Variants in COL24A1 observed in about 807,000 individuals in gnomAD.
The protein encoded by COL24A1 is collagen type XXIV alpha 1 chain.
Under a neutral mutation model 253.9 loss-of-function variants are expected in COL24A1, and 224 were observed. The ratio of observed to expected loss-of-function variants is 0.88; its 90% CI spans 0.79 to 0.99. COL24A1 has a LOEUF of 0.99. Ranked by LOEUF, COL24A1 falls within the 50% of genes least tolerant of loss-of-function variation. The pLI is 0.00. For synonymous variants in COL24A1, 685 were observed against 673.7 expected, an observed-to-expected ratio of 1.02 and a Z score of -0.26; for missense variants, 2,131 against 2,068.5, an observed-to-expected ratio of 1.03 and a Z score of -0.59.
chr1:86,035,235 CATTTT>C (rs1335086304), intron 12 of COL24A1, among the ~76,000 whole-genome samples: 1 of 152,144 alleles, frequency 6.6e-6, no homozygotes, highest in Non-Finnish European at 1.5e-5. Context: ...GAAGCTCAAG[CATTTT>C]ACTTTCGTTG....
chr1:86,049,645 G>A (rs1700158887), intron 11 of COL24A1, among the ~76,000 whole-genome samples: 1 of 152,026 alleles, frequency 6.6e-6, no homozygotes, highest in South Asian at 2.1e-4. Flanking sequence ...AATCTTTTTA[G>A]TATAACAAAC....
rs183838142 is a variant in COL24A1 at position 85,816,918 on chromosome 1, G to A, written c.3844-23C>T. 2.4e-3 allele frequency: 3,533 copies of A among 1,487,998 alleles called. 20 individuals are homozygous for A. Among genetic ancestry groups the A allele is most frequent in the South Asian group, 4.8e-3 (419 of 87,996 alleles). The allele number at this position is 1,487,998 out of a possible 1,614,324, so 92.2% of individuals were successfully genotyped here. On this transcript the variant is annotated intron_variant, in intron 46 of 59. Coordinates refer to ENST00000370571, the MANE Select transcript of COL24A1 (RefSeq NM_152890.7). Reference sequence around the variant, plus strand: ...TCCCTTGATAATTAAAAATTATTTGGATTGTAGAGATGCTGAAAAGATGTT... The same window carrying A: ...TCCCTTGATAATTAAAAATTATTTGAATTGTAGAGATGCTGAAAAGATGTT...
chr1:85,926,528 G>A (rs1468397210), intron 24 of COL24A1, among the ~76,000 whole-genome samples: 1 of 152,152 alleles, frequency 6.6e-6, no homozygotes, highest in Admixed American at 6.5e-5. Context: ...GGACATGGAT[G>A]AAGCTGGAAA....
At chr1:85,948,714 T>A (rs1307937940) in intron 24 of COL24A1, among the ~76,000 whole-genome samples, 2 of 151,574 alleles carry the variant, frequency 1.3e-5, no homozygotes, top group Non-Finnish European at 2.9e-5. Context: ...CCCTAACTCA[T>A]TCTATGAGGC....
intron 6 of COL24A1, among the ~76,000 whole-genome samples, chr1:86,089,982 C>A (rs758162132): frequency 2.0e-5 from 3 of 152,128 alleles, no homozygotes; most frequent in Non-Finnish European, 4.4e-5. Context: ...GTGGGACCAG[C>A]TAGGTTCACG....
At chr1:86,085,542 T>A (rs1452460570) in intron 7 of COL24A1, among the ~76,000 whole-genome samples, 2 of 152,204 alleles carry the variant, frequency 1.3e-5, no homozygotes, top group African/African-American at 4.8e-5. Flanking sequence ...GCTAATGTTC[T>A]TACAATTATA....
intron 43 of COL24A1, among the ~76,000 whole-genome samples, chr1:85,830,304 G>A (rs1027426154): frequency 1.3e-5 from 2 of 152,096 alleles, no homozygotes; most frequent in African/African-American, 4.8e-5. Flanking sequence ...TTGCATGCTG[G>A]GAGAACCACT....
chr1:85,858,371 C>G (rs1338748089), intron 37 of COL24A1, among the ~76,000 whole-genome samples: 2 of 151,746 alleles, frequency 1.3e-5, no homozygotes, highest in Admixed American at 6.6e-5. Flanking sequence ...TTACTATAAT[C>G]TAGATACAGG....
intron 4 of COL24A1, among the ~76,000 whole-genome samples, chr1:86,113,350 A>G (rs11161741): frequency 0.17 from 26,504 of 152,144 alleles, 2,431 homozygotes; most frequent in South Asian, 0.25. Context: ...CAGGTTCCCT[A>G]TGCTTACTTC....
chr1:86,109,047 A>G (rs1308752048), intron 5 of COL24A1, among the ~76,000 whole-genome samples: 1 of 152,154 alleles, frequency 6.6e-6, no homozygotes, highest in Non-Finnish European at 1.5e-5. Flanking sequence ...TGTGGAGAGG[A>G]GGCAATTAGC....
At chr1:85,994,789 G>C (rs1694621014) in intron 19 of COL24A1, among the ~76,000 whole-genome samples, 1 of 152,124 alleles carries the variant, frequency 6.6e-6, no homozygotes, top group Non-Finnish European at 1.5e-5. Context: ...GCAAATGAAG[G>C]AAATATTCTG....
intron 32 of COL24A1, among the ~76,000 whole-genome samples, chr1:85,880,323 T>A (rs1014222042): frequency 6.6e-6 from 1 of 152,338 alleles, no homozygotes; most frequent in African/African-American, 2.4e-5. Context: ...CTCATTGCTG[T>A]TAATATAGAA....
intron 19 of COL24A1, among the ~76,000 whole-genome samples, chr1:86,012,924 G>A (rs970167236): frequency 6.6e-6 from 1 of 151,876 alleles, no homozygotes; most frequent in East Asian, 1.9e-4. Context: ...TTCTGCCTTA[G>A]GTCTAGACAA....
chr1:85,792,680 C>T (rs1355286053), intron 47 of COL24A1, among the ~76,000 whole-genome samples: 1 of 151,708 alleles, frequency 6.6e-6, no homozygotes, highest in Admixed American at 6.6e-5. Context: ...TGCACTCTAG[C>T]CTGGGCAACA....
chr1:86,048,350 TTA>T (rs1242736527), intron 11 of COL24A1, among the ~76,000 whole-genome samples: 3 of 152,284 alleles, frequency 2.0e-5, no homozygotes, highest in Admixed American at 2.0e-4. Context: ...CTTAAACATT[TTA>T]TAACGTAACA....
At chr1:85,998,517 T>C (rs1695081578) in intron 19 of COL24A1, among the ~76,000 whole-genome samples, 2 of 152,222 alleles carry the variant, frequency 1.3e-5, no homozygotes, top group East Asian at 1.9e-4. Context: ...GGAAAAGGAA[T>C]GTATCTGACC....
rs1169939731 is a variant in COL24A1 at position 85,875,309 on chromosome 1, C to G, written c.3052G>C (p.Glu1018Gln). 1.9e-6 allele frequency: 3 copies of G among 1,613,876 alleles called. No individual in the cohort carries two copies. The highest frequency in any genetic ancestry group is 2.2e-5 in the East Asian group (1 of 44,862). ...CCTGGTTCACCTTGCAGACCAGACT[C>G]TCCCTCAGTGCCTGGAGGTCCCTAC... is the stretch of plus-strand genomic sequence containing the variant. ...GMEGPPGTEG[E>Q]SGLQGEPGAK... Residue 1018 changes from glutamate to glutamine, a missense_variant, in exon 34 of 60, where the codon GAG (glutamate) becomes CAG (glutamine). Physicochemically the swap from Glu to Gln is conservative, Grantham distance 29. Coordinates refer to ENST00000370571, the MANE Select transcript of COL24A1 (RefSeq NM_152890.7).
chr1:85,896,505 T>C (rs1288860632), intron 28 of COL24A1, 96 bp from the exon 29 acceptor site: 5 of 1,119,758 alleles, frequency 4.5e-6, no homozygotes, highest in Non-Finnish European at 6.7e-6. Context: ...TTGATGATTT[T>C]TTTTTTTTGA....
At chr1:86,104,115 T>C (rs577086699) in intron 5 of COL24A1, among the ~76,000 whole-genome samples, 1 of 152,290 alleles carries the variant, frequency 6.6e-6, no homozygotes, top group South Asian at 2.1e-4. Context: ...TGTCTGACTG[T>C]CTTATTTCAG....
Sources: allele counts gnomAD v4.1 joint callset (sites outside exome capture counted in the v4.1 genomes callset), GRCh38; gene constraint gnomAD v4.1.1; transcripts MANE v1.5; gene names NCBI Gene and HGNC (gene_info 2026-07-23, HGNC 2026-07-21).